ZNF423: variants seen among roughly 807,000 people sequenced by gnomAD.
The protein encoded by ZNF423 is Ebf-associated zinc finger protein.
In ZNF423, 12 loss-of-function variants were observed where a neutral mutation model predicts 95.8. The ratio of observed to expected loss-of-function variants is 0.13; its 90% confidence interval spans 0.08 to 0.20. The LOEUF is 0.20. Among genes scored for constraint, ZNF423 ranks in the 10% least tolerant of loss-of-function variants. The pLI, the probability that ZNF423 is intolerant of heterozygous loss-of-function variation, is 1.00. For synonymous variants in ZNF423, 749 were observed against 711.9 expected (o/e 1.05, Z -0.83); for missense variants, 1,316 against 1,737.1 (o/e 0.76, Z 4.31).
chr16:49,565,777 C>T (rs190772520), intron 5 of ZNF423, among the ~76,000 whole-genome samples: 1 of 152,242 alleles, frequency 6.6e-6, no homozygotes, highest in Non-Finnish European at 1.5e-5. Flanking sequence ...AGCCAGTACC[C>T]TTCAGGCATC....
At chr16:49,749,869 T>C (rs2033600661) in intron 2 of ZNF423, among the ~76,000 whole-genome samples, 1 of 152,168 alleles carries the variant, frequency 6.6e-6, no homozygotes, top group Non-Finnish European at 1.5e-5. Context: ...CTGGGAGTCT[T>C]TGCATTAAGG....
intron 5 of ZNF423, among the ~76,000 whole-genome samples, chr16:49,582,455 T>C (rs1325427914): frequency 6.6e-6 from 1 of 152,216 alleles, no homozygotes; most frequent in Non-Finnish European, 1.5e-5. Flanking sequence ...GGTGCAGCCA[T>C]AAAATAAAAC....
intron 1 of ZNF423, among the ~76,000 whole-genome samples, chr16:49,813,930 C>T (rs1165443135): frequency 2.0e-5 from 3 of 152,196 alleles, no homozygotes; most frequent in Non-Finnish European, 4.4e-5. Flanking sequence ...CTTGGAGAAC[C>T]GGGAGGCCCC....
At chr16:49,600,551 G>A (rs968695683) in intron 5 of ZNF423, among the ~76,000 whole-genome samples, 1 of 151,984 alleles carries the variant, frequency 6.6e-6, no homozygotes, top group Admixed American at 6.6e-5. Flanking sequence ...GCAACTTCTC[G>A]GTCTCAGTCT....
chr16:49,499,697 C>T (rs979720913), intron 7 of ZNF423, among the ~76,000 whole-genome samples: 2 of 152,184 alleles, frequency 1.3e-5, no homozygotes, highest in African/African-American at 4.8e-5. Context: ...ACGCAGGTGG[C>T]TTGGTCAACA....
At chr16:49,514,134 G>T (rs1374136444) in intron 7 of ZNF423, among the ~76,000 whole-genome samples, 1 of 151,090 alleles carries the variant, frequency 6.6e-6, no homozygotes, top group Non-Finnish European at 1.5e-5. Flanking sequence ...CCCCACACTG[G>T]CTCTGCAACC....
At chr16:49,816,864 AAAAC>A (rs1292853844) in intron 1 of ZNF423, among the ~76,000 whole-genome samples, 1 of 152,202 alleles carries the variant, frequency 6.6e-6, no homozygotes, top group Non-Finnish European at 1.5e-5. Context: ...CAGTCCTGGA[AAAAC>A]AAAGTAATAA....
At chr16:49,788,742 G>A (rs894182903) in intron 2 of ZNF423, among the ~76,000 whole-genome samples, 3 of 152,196 alleles carry the variant, frequency 2.0e-5, no homozygotes, top group East Asian at 1.9e-4. Flanking sequence ...GGATCCCGGC[G>A]CCTGCCGGAC....
chr16:49,658,532 G>A (rs1555467889), intron 3 of ZNF423, among the ~76,000 whole-genome samples: 1 of 152,190 alleles, frequency 6.6e-6, no homozygotes, highest in Non-Finnish European at 1.5e-5. Flanking sequence ...TTTGTAGCTG[G>A]GCTGTTGAGC....
intron 5 of ZNF423, among the ~76,000 whole-genome samples, chr16:49,535,865 T>C (rs1303315219): frequency 6.6e-6 from 1 of 152,236 alleles, no homozygotes; most frequent in Non-Finnish European, 1.5e-5. Context: ...AACAAGACGA[T>C]TGCCTAAACA....
chr16:49,502,859 C>G (rs1967470038), intron 7 of ZNF423, among the ~76,000 whole-genome samples: 1 of 140,280 alleles, frequency 7.1e-6, no homozygotes, highest in Non-Finnish European at 1.5e-5. Flanking sequence ...ACACGGATAC[C>G]CCCCAATCCC....
Position 49,736,598 on chromosome 16 carries a change from C to T in ZNF423, c.101-5627G>A, listed in dbSNP as rs188670641. 5.3e-5 allele frequency among the ~76,000 whole-genome samples: 8 copies of T among 152,262 alleles called. No individual in the cohort carries two copies. The East Asian group carries it at 1.5e-3, about 29-fold the overall frequency. On this transcript the variant is annotated intron_variant, in intron 2 of 7. Transcript: ENST00000563137. ...CAGGAGAACCTATGGAGTTTGAGACCAGCCCAGGCAACACAGTGAGACCCC... is the reference window on the plus strand; with the variant it reads ...CAGGAGAACCTATGGAGTTTGAGACTAGCCCAGGCAACACAGTGAGACCCC...
intron 7 of ZNF423, among the ~76,000 whole-genome samples, chr16:49,522,839 G>A (rs376012811): frequency 3.9e-5 from 6 of 152,260 alleles, no homozygotes; most frequent in Admixed American, 6.5e-5. Flanking sequence ...TTCTGTGTAC[G>A]TGTGTTGTAT....
At chr16:49,759,359 A>C (rs901764114) in intron 2 of ZNF423, among the ~76,000 whole-genome samples, 1 of 151,934 alleles carries the variant, frequency 6.6e-6, no homozygotes, top group Non-Finnish European at 1.5e-5. Flanking sequence ...AGATCGAGCC[A>C]CTGCACTCCA....
At chr16:49,666,727 G>A (rs1160201983) in intron 3 of ZNF423, among the ~76,000 whole-genome samples, 4 of 152,190 alleles carry the variant, frequency 2.6e-5, no homozygotes, top group African/African-American at 9.7e-5. Flanking sequence ...GACCCCCAGG[G>A]AGGGCCGCTG....
At chr16:49,733,799 G>A (rs1281494439) in intron 2 of ZNF423, among the ~76,000 whole-genome samples, 3 of 152,150 alleles carry the variant, frequency 2.0e-5, no homozygotes, top group Admixed American at 2.0e-4. Flanking sequence ...AGACCCAAGG[G>A]CCCCTCTGCT....
chr16:49,639,854 C>T (rs2151889764), intron 3 of ZNF423, among the ~76,000 whole-genome samples: 1 of 152,296 alleles, frequency 6.6e-6, no homozygotes, highest in South Asian at 2.1e-4. Flanking sequence ...ACTAAACAAA[C>T]CTAAGGGTAG....
intron 5 of ZNF423, among the ~76,000 whole-genome samples, chr16:49,606,921 G>A (rs2151838631): frequency 6.6e-6 from 1 of 152,244 alleles, no homozygotes; most frequent in African/African-American, 2.4e-5. Context: ...ACCGGGTGGG[G>A]GTCTGCAGGG....
chr16:49,699,113 C>T (rs1231071617), intron 3 of ZNF423, among the ~76,000 whole-genome samples: 2 of 152,200 alleles, frequency 1.3e-5, no homozygotes, highest in East Asian at 3.9e-4. Flanking sequence ...TGCCAAGGAG[C>T]CGACAGGCAC....
Sources: allele counts gnomAD v4.1 joint callset (sites outside exome capture counted in the v4.1 genomes callset), GRCh38; gene constraint gnomAD v4.1.1; transcripts MANE v1.5; gene names NCBI Gene and HGNC (gene_info 2026-07-23, HGNC 2026-07-21).